Variants in PIGF observed in about 807,000 individuals in gnomAD.
PIGF encodes the protein phosphatidylinositol glycan anchor biosynthesis class F, also known as GPI ethanolamine phosphate transferase, stabilizing subunit.
A neutral mutation model predicts 26.0 loss-of-function variants in PIGF; 23 were observed. The observed-to-expected ratio is 0.88, with a 90% CI of 0.64 to 1.25. The LOEUF is 1.25. PIGF is among the 50% of genes most tolerant of loss of function. PIGF has a pLI of 0.00. For missense variants in PIGF, 278 were observed against 249.9 expected (o/e 1.11, Z -0.76); for synonymous variants, 93 against 92.6 (o/e 1.00, Z -0.03).
chr2:46,616,479 A>AGGAACCAGAGTAAGCAAAGAG (rs1670632885), intron 1 of PIGF: 1 of 152,532 alleles, frequency 6.6e-6, no homozygotes, highest in Non-Finnish European at 1.5e-5. Context: ...GAATGAATGA[A>AGGAACCAGAGTAAGCAAAGAG]GGAACCAGAG....
chr2:46,613,155 A>G (rs1444483301), intron 3 of PIGF, among the ~76,000 whole-genome samples: 1 of 152,062 alleles, frequency 6.6e-6, no homozygotes, highest in Admixed American at 6.6e-5. Flanking sequence ...TGCTAAACTG[A>G]AGCTTCTCAA....
intron 4 of PIGF, among the ~76,000 whole-genome samples, chr2:46,602,927 C>T (rs1180229937): frequency 6.6e-6 from 1 of 151,976 alleles, no homozygotes; most frequent in East Asian, 1.9e-4. Context: ...GTCAAATTAT[C>T]CTTGTTTGCA....
chr2:46,592,037 G>A, intron 5 of PIGF: 1 of 1,167,658 alleles, frequency 8.6e-7, no homozygotes, highest in South Asian at 1.3e-5. Flanking sequence ...AATTTCTGCA[G>A]CTATTAACCT....
At chr2:46,612,860 T>C (rs1670470111) in intron 3 of PIGF, among the ~76,000 whole-genome samples, 1 of 152,180 alleles carries the variant, frequency 6.6e-6, no homozygotes, top group African/African-American at 2.4e-5. Flanking sequence ...ATTTGCATTT[T>C]GATAAAATGC....
chr2:46,595,508 A>T (rs893860539), intron 4 of PIGF, among the ~76,000 whole-genome samples: 1 of 152,002 alleles, frequency 6.6e-6, no homozygotes, highest in Non-Finnish European at 1.5e-5. Context: ...CAGCTGATGG[A>T]TATTTGGGTT....
rs1669646063 is a variant in PIGF, at chr2:46,588,644, A to G, written c.546+3831T>C. ...TCATGGTCAATTTCCTGTGCTCAGA[A>G]TAACCAACAATATTTCTTAACCTTC... On this transcript the variant is annotated intron_variant, in intron 5 of 5. Transcript: ENST00000281382. The surrounding 1 kb of genome is among the most constrained non-coding windows in gnomAD (Gnocchi z 4.1). 6.6e-6 allele frequency: 1 copy of G among 152,492 alleles called. No individual in the cohort carries two copies. Among genetic ancestry groups the G allele is most frequent in the African/African-American group, 2.4e-5 (1 of 41,464 alleles). 9.4% of individuals were successfully genotyped at this position (152,492 alleles called of 1,614,324 possible). A position where few individuals can be genotyped will look rare whatever the true frequency, so the allele number is the denominator to read the frequency against.
intron 2 of PIGF, chr2:46,614,073 TAATCAATATTTATCA>T (rs1409421483): frequency 5.4e-5 from 13 of 240,032 alleles, no homozygotes; most frequent in East Asian, 1.0e-4. Context: ...GCTATGTCAT[TAATCAATATTTATCA>T]AATACTGATT....
At chr2:46,590,324 C>T (rs941339419) in intron 5 of PIGF, among the ~76,000 whole-genome samples, 2 of 152,124 alleles carry the variant, frequency 1.3e-5, no homozygotes, top group Admixed American at 6.5e-5. Flanking sequence ...AGCTAAAAGC[C>T]TGAACAATCC....
intron 4 of PIGF, among the ~76,000 whole-genome samples, chr2:46,606,903 A>G (rs924132712): frequency 2.0e-5 from 3 of 152,228 alleles, no homozygotes; most frequent in Admixed American, 6.5e-5. Flanking sequence ...ATATCCATAC[A>G]ATGGAATATT....
chr2:46,607,675 T>C (rs2104125238), intron 4 of PIGF, among the ~76,000 whole-genome samples: 1 of 152,022 alleles, frequency 6.6e-6, no homozygotes, highest in African/African-American at 2.4e-5. Flanking sequence ...GGGTGGTGGT[T>C]GGGGAGGCTG....
At chr2:46,593,548 G>A (rs921903460) in intron 4 of PIGF, among the ~76,000 whole-genome samples, 10 of 152,174 alleles carry the variant, frequency 6.6e-5, no homozygotes, top group African/African-American at 2.2e-4. Context: ...TCTGCCTACC[G>A]TTCCTATTTA....
intron 4 of PIGF, among the ~76,000 whole-genome samples, chr2:46,610,825 C>A (rs534468242): frequency 6.6e-6 from 1 of 152,246 alleles, no homozygotes; most frequent in African/African-American, 2.4e-5. Context: ...CCACCACACT[C>A]GTCCCAAACA....
chr2:46,604,631 T>C (rs1401843790), intron 4 of PIGF, among the ~76,000 whole-genome samples: 1 of 152,062 alleles, frequency 6.6e-6, no homozygotes, highest in East Asian at 1.9e-4. Context: ...ACTTCGCATG[T>C]TCTCACTTAT....
At chr2:46,593,719 G>A (rs1004636085) in intron 4 of PIGF, among the ~76,000 whole-genome samples, 5 of 152,110 alleles carry the variant, frequency 3.3e-5, no homozygotes, top group Admixed American at 6.6e-5. Flanking sequence ...CACTAAGTGG[G>A]GTCCAAATAT....
At chr2:46,597,928 T>A (rs1235400618) in intron 4 of PIGF, among the ~76,000 whole-genome samples, 1 of 152,234 alleles carries the variant, frequency 6.6e-6, no homozygotes, top group Admixed American at 6.5e-5. Flanking sequence ...ATGGGCCTTC[T>A]TAATCTAAAA....
chr2:46,611,686 A>C (rs1277692152), intron 4 of PIGF, among the ~76,000 whole-genome samples: 1 of 152,316 alleles, frequency 6.6e-6, no homozygotes, highest in Non-Finnish European at 1.5e-5. Flanking sequence ...TCAAGAAGCT[A>C]AAATTTTAAC....
At chr2:46,602,205 C>T (rs1670081880) in intron 4 of PIGF, among the ~76,000 whole-genome samples, 1 of 151,702 alleles carries the variant, frequency 6.6e-6, no homozygotes, top group Non-Finnish European at 1.5e-5. Context: ...GTTTTGTTTT[C>T]CTGGAGTAAC....
intron 4 of PIGF, among the ~76,000 whole-genome samples, chr2:46,604,432 T>A (rs190729980): frequency 6.6e-6 from 1 of 151,532 alleles, no homozygotes; most frequent in African/African-American, 2.4e-5. Context: ...CTAATCACAA[T>A]AGCCAAGATT....
chr2:46,606,076 C>G (rs990337283), intron 4 of PIGF, among the ~76,000 whole-genome samples: 2 of 152,148 alleles, frequency 1.3e-5, no homozygotes, highest in African/African-American at 4.8e-5. Flanking sequence ...AGAAATCTAG[C>G]AATTTCCTGA....
Sources: gnomAD v4.1 joint callset for allele counts (sites outside exome capture counted in the v4.1 genomes callset) on GRCh38, gnomAD v4.1.1 for gene constraint, Gnocchi (gnomAD v3.1) non-coding constraint, MANE v1.5 for transcripts, NCBI Gene and HGNC (gene_info 2026-07-23, HGNC 2026-07-21) for gene names.